Variants in MARCHF1 observed in about 807,000 individuals in gnomAD.
MARCHF1 encodes the protein E3 ubiquitin-protein ligase MARCHF1.
Under a neutral mutation model 54.2 loss-of-function variants are expected in MARCHF1, and 40 were observed. The observed-to-expected ratio is 0.74, with a 90% CI of 0.57 to 0.96. The LOEUF is 0.96. MARCHF1 is among the 40% of genes least tolerant of loss of function. The probability of loss-of-function intolerance (pLI) is 0.00; values close to 1 mark genes in which losing one functional copy is unlikely to be tolerated. For synonymous variants in MARCHF1, 236 were observed against 236.3 expected (o/e 1.00, Z 0.01); for missense variants, 586 against 656.5 (o/e 0.89, Z 1.17).
chr4:163,640,506 C>T (rs1226381081), intron 5 of MARCHF1, among the ~76,000 whole-genome samples: 2 of 152,114 alleles, frequency 1.3e-5, no homozygotes, highest in Non-Finnish European at 2.9e-5. Context: ...GAGGTCCACA[C>T]AAGTGCAAAT....
rs187648585 is a variant in MARCHF1, at chr4:164,205,061, C to T, written c.-322-93399G>A. 3.2e-3 allele frequency among the ~76,000 whole-genome samples: 486 copies of T among 152,216 alleles called. 1 individual carries two copies. The highest frequency in any genetic ancestry group is 0.011 in the African/African-American group (461 of 41,538). On this transcript the variant is annotated intron_variant, in intron 1 of 9. Transcript: ENST00000514618. ...GTCTTAATTCTTATATAGTGTTTTA[C>T]TGTATCCATTCCTTTGATTTACTGA...
In MARCHF1 at chr4:163,612,666, G is replaced by A. The variant is rs575707342; in HGVS notation, c.615C>T (p.Asn205=). Reference sequence around the variant, plus strand: ...ATCCCAGATCAACGAGCTCAATTCCGTTAGGAGTGGAAGACCCAGCTAAGT... The same window carrying A: ...ATCCCAGATCAACGAGCTCAATTCCATTAGGAGTGGAAGACCCAGCTAAGT... ...CENLAGSSTP[N]GIELVDLGSK... is the part of the protein sequence containing the mutation. The change falls in exon 7 of 10, where the codon AAC becomes AAT. Residue 205 remains asparagine (N), a synonymous_variant. Transcript: ENST00000514618. 170 of 1,535,488 alleles carry A rather than the reference G, an allele frequency of 1.1e-4. No homozygotes were observed. Among genetic ancestry groups the A allele is most frequent in the Admixed American group, 2.2e-4 (11 of 50,958 alleles).
At chr4:163,613,099 C>G in intron 6 of MARCHF1, 61 bp from the exon 7 acceptor site, 2 of 1,392,412 alleles carry the variant, frequency 1.4e-6, no homozygotes, top group Non-Finnish European at 1.9e-6. Flanking sequence ...CATGGAAAAA[C>G]AGAGAGAGAG....
chr4:164,185,380 AT>A (rs1180039752), intron 1 of MARCHF1, among the ~76,000 whole-genome samples: 1 of 152,220 alleles, frequency 6.6e-6, no homozygotes, highest in East Asian at 1.9e-4. Flanking sequence ...ACTATATCCA[AT>A]AACTTCATTT....
intron 2 of MARCHF1, among the ~76,000 whole-genome samples, chr4:164,021,888 C>T (rs1251495258): frequency 6.8e-6 from 1 of 146,424 alleles, no homozygotes; most frequent in Non-Finnish European, 1.5e-5. Context: ...TATATATGGT[C>T]CATTTTTAGT....
At chr4:163,871,813 AT>A (rs947204990) in intron 3 of MARCHF1, among the ~76,000 whole-genome samples, 1 of 152,160 alleles carries the variant, frequency 6.6e-6, no homozygotes, top group African/African-American at 2.4e-5. Flanking sequence ...ATTTGTTAAT[AT>A]TTGATCCCAG....
At chr4:163,541,524 AT>A (rs904001191) in intron 9 of MARCHF1, among the ~76,000 whole-genome samples, 1 of 151,830 alleles carries the variant, frequency 6.6e-6, no homozygotes, top group African/African-American at 2.4e-5. Context: ...TATATTTGCT[AT>A]TTTTTTTCCT....
At chr4:164,054,887 C>G (rs919531010) in intron 2 of MARCHF1, among the ~76,000 whole-genome samples, 1 of 151,302 alleles carries the variant, frequency 6.6e-6, no homozygotes, top group Non-Finnish European at 1.5e-5. Flanking sequence ...ATGTAACTAA[C>G]ATGCACAATG....
At chr4:164,219,241 C>T (rs1286230466) in intron 1 of MARCHF1, among the ~76,000 whole-genome samples, 2 of 151,798 alleles carry the variant, frequency 1.3e-5, no homozygotes, top group African/African-American at 4.8e-5. Context: ...ATATAGTTAT[C>T]ACTATTAACT....
chr4:163,917,829 A>C (rs1416382845), intron 3 of MARCHF1, among the ~76,000 whole-genome samples: 1 of 152,138 alleles, frequency 6.6e-6, no homozygotes, highest in Non-Finnish European at 1.5e-5. Flanking sequence ...TAAATTGCAA[A>C]AATTTTCTCC....
intron 1 of MARCHF1, chr4:164,197,065 T>C (rs1731283911): frequency 6.2e-7 from 1 of 1,606,304 alleles, no homozygotes; most frequent in East Asian, 2.2e-5. Context: ...TTCCTCGCCA[T>C]CTACCTCTCC....
At chr4:163,837,981 G>C (rs1421491215) in intron 4 of MARCHF1, among the ~76,000 whole-genome samples, 1 of 152,114 alleles carries the variant, frequency 6.6e-6, no homozygotes, top group Non-Finnish European at 1.5e-5. Context: ...AAGTTTGAAA[G>C]CTAAGAAATA....
intron 5 of MARCHF1, among the ~76,000 whole-genome samples, chr4:163,678,549 G>C (rs1429944860): frequency 1.3e-5 from 2 of 152,100 alleles, no homozygotes; most frequent in African/African-American, 4.8e-5. Flanking sequence ...TCTCACACTA[G>C]GTAATTTTAG....
chr4:163,797,589 T>G (rs1747954394), intron 4 of MARCHF1, among the ~76,000 whole-genome samples: 1 of 152,148 alleles, frequency 6.6e-6, no homozygotes. Context: ...TTAATTTTGC[T>G]CTGTACTACA....
chr4:163,861,909 T>C (rs570922637), intron 3 of MARCHF1, among the ~76,000 whole-genome samples: 13 of 151,988 alleles, frequency 8.6e-5, no homozygotes, highest in Non-Finnish European at 1.3e-4. Flanking sequence ...ATTTTAGAAA[T>C]AGACTCATGA....
At chr4:164,215,217 G>C (rs926426623) in intron 1 of MARCHF1, among the ~76,000 whole-genome samples, 2 of 152,124 alleles carry the variant, frequency 1.3e-5, no homozygotes, top group African/African-American at 2.4e-5. Flanking sequence ...TCAGCAGATG[G>C]GGGAGCCAGA....
intron 2 of MARCHF1, among the ~76,000 whole-genome samples, chr4:164,037,297 C>T (rs1375690922): frequency 6.6e-6 from 1 of 151,936 alleles, no homozygotes; most frequent in Non-Finnish European, 1.5e-5. Context: ...AAAGTCATGC[C>T]ACTAGCTTAG....
chr4:163,609,837 CTTT>C (rs1741274432), intron 7 of MARCHF1, among the ~76,000 whole-genome samples: 1 of 151,856 alleles, frequency 6.6e-6, no homozygotes, highest in East Asian at 1.9e-4. Flanking sequence ...GAGGCAGCCT[CTTT>C]GGAACTCAAG....
intron 1 of MARCHF1, among the ~76,000 whole-genome samples, chr4:164,160,122 G>T (rs1250742947): frequency 1.3e-5 from 2 of 152,052 alleles, no homozygotes; most frequent in African/African-American, 4.8e-5. Flanking sequence ...AAGTATAATG[G>T]TTTTATTACT....
Sources: gnomAD v4.1 joint callset for allele counts (sites outside exome capture counted in the v4.1 genomes callset) on GRCh38, gnomAD v4.1.1 for gene constraint, MANE v1.5 for transcripts, NCBI Gene and HGNC (gene_info 2026-07-23, HGNC 2026-07-21) for gene names.